The following LNP1 variants were observed in gnomAD, a reference collection of about 807,000 sequenced individuals.
LNP1 encodes the protein leukemia NUP98 fusion partner 1.
A neutral mutation model predicts 14.5 loss-of-function variants in LNP1; 12 were observed. The ratio of observed to expected loss-of-function variants is 0.83; its 90% CI spans 0.53 to 1.34. The LOEUF (loss-of-function observed/expected upper bound fraction) is 1.34, where lower values mean the gene tolerates loss of function less well. Among genes scored for constraint, LNP1 ranks in the 40% most tolerant of loss-of-function variants. LNP1 has a pLI of 0.00. For synonymous variants in LNP1, 75 were observed against 71.4 expected (o/e 1.05, Z -0.26); for missense variants, 198 against 210.9 (o/e 0.94, Z 0.38).
chr3:100,446,671 G>A (rs1707391409), intron 2 of LNP1, among the ~76,000 whole-genome samples: 1 of 152,158 alleles, frequency 6.6e-6, no homozygotes, highest in African/African-American at 2.4e-5. Context: ...GCAACCTACA[G>A]AATGGGAGAA....
chr3:100,410,003 C>G (rs546777057), intron 1 of LNP1, among the ~76,000 whole-genome samples: 5 of 151,818 alleles, frequency 3.3e-5, no homozygotes, highest in Non-Finnish European at 7.4e-5. Flanking sequence ...ATCTATCTAC[C>G]TATTTTATCT....
intron 1 of LNP1, 105 bp downstream of exon 1, chr3:100,402,544 A>G (rs977602847): frequency 1.3e-5 from 2 of 152,208 alleles, no homozygotes; most frequent in African/African-American, 4.8e-5. Context: ...CGTTGCAGGC[A>G]ATAGGCTTTT....
chr3:100,429,924 TA>T (rs757376177), intron 2 of LNP1, 39 bp downstream of exon 2: 5 of 1,592,292 alleles, frequency 3.1e-6, no homozygotes, highest in East Asian at 2.2e-5. Flanking sequence ...AGAGCTGGAA[TA>T]GGGGAGGGGG....
chr3:100,448,459 T>A (rs1004936241), intron 2 of LNP1, among the ~76,000 whole-genome samples: 33 of 152,196 alleles, frequency 2.2e-4, no homozygotes, highest in Admixed American at 1.5e-3. Context: ...TGAGTAAAGA[T>A]CATTCTGTTT....
chr3:100,438,686 G>A (rs1198140015), intron 2 of LNP1, among the ~76,000 whole-genome samples: 1 of 152,170 alleles, frequency 6.6e-6, no homozygotes, highest in Non-Finnish European at 1.5e-5. Flanking sequence ...GTTGTTCTAG[G>A]TCCACAGGGG....
intron 2 of LNP1, 133 bp downstream of exon 2, chr3:100,430,018 AC>A: frequency 1.2e-6 from 1 of 839,646 alleles, no homozygotes; most frequent in Non-Finnish European, 1.8e-6. Context: ...TCTTTCTCAT[AC>A]CCACAGAAAT....
intron 1 of LNP1, among the ~76,000 whole-genome samples, chr3:100,409,240 A>T (rs1292521942): frequency 6.6e-6 from 1 of 152,182 alleles, no homozygotes; most frequent in Non-Finnish European, 1.5e-5. Flanking sequence ...GAACTGAAAT[A>T]TCAGCTCTTC....
intron 1 of LNP1, 144 bp from the exon 2 acceptor site, chr3:100,429,553 G>A (rs780879461): frequency 1.5e-5 from 9 of 608,900 alleles, no homozygotes; most frequent in Non-Finnish European, 2.3e-5. Flanking sequence ...TGATGATGAA[G>A]TGGTTGTTTA....
intron 1 of LNP1, among the ~76,000 whole-genome samples, chr3:100,416,599 TTG>T (rs769199967): frequency 0.025 from 2,352 of 94,600 alleles, 54 homozygotes; most frequent in African/African-American, 0.04. Context: ...TATATCTTTT[TTG>T]TGTGTGTGTG....
chr3:100,442,428 T>C (rs1186069262), intron 2 of LNP1, among the ~76,000 whole-genome samples: 1 of 152,060 alleles, frequency 6.6e-6, no homozygotes, highest in Non-Finnish European at 1.5e-5. Context: ...GACAGTTTGG[T>C]TTTATACATT....
chr3:100,417,351 T>C (rs1707094291), intron 1 of LNP1, among the ~76,000 whole-genome samples: 2 of 149,038 alleles, frequency 1.3e-5, no homozygotes, highest in South Asian at 4.2e-4. Flanking sequence ...TTTTTCTTTT[T>C]CTTTCTTTCT....
intron 1 of LNP1, among the ~76,000 whole-genome samples, chr3:100,407,997 T>C (rs1706987578): frequency 6.6e-6 from 1 of 152,234 alleles, no homozygotes; most frequent in East Asian, 1.9e-4. Context: ...CTAATTTTGT[T>C]GACTTGTTTC....
chr3:100,433,851 G>A (rs1190878226), intron 2 of LNP1, among the ~76,000 whole-genome samples: 4 of 152,068 alleles, frequency 2.6e-5, no homozygotes, highest in South Asian at 2.1e-4. Context: ...TTTTTTGGCC[G>A]CATAAATGTC....
chr3:100,406,179 A>G (rs575533448), intron 1 of LNP1, among the ~76,000 whole-genome samples: 14 of 152,136 alleles, frequency 9.2e-5, no homozygotes, highest in Non-Finnish European at 1.3e-4. Flanking sequence ...CCAGCTACTC[A>G]GGAGGCTGAG....
At position 100,418,059 on chromosome 3, in the gene LNP1, A is replaced by ACTTTTTTTTTTTTTT. The variant is rs565769310; in HGVS notation, c.-33-11638_-33-11637insCTTTTTTTTTTTTTT. Among the ~76,000 whole-genome samples, 4 of 115,622 alleles carry ACTTTTTTTTTTTTTT rather than the reference A, an allele frequency of 3.5e-5. 2 individuals are homozygous for ACTTTTTTTTTTTTTT. The highest frequency in any genetic ancestry group is 7.4e-5 in the Non-Finnish European group (4 of 54,340). 75.9% of individuals were successfully genotyped at this position (115,622 alleles called of 152,430 possible). ...GTTTTGTTCTTTCATTTCTCATACCATTTTTTTTTTTTTTTTTTGAGATGG... is the reference window on the plus strand; with the variant it reads ...GTTTTGTTCTTTCATTTCTCATACCACTTTTTTTTTTTTTTTTTTTTTTTTTTTTTTTTGAGATGG... On this transcript the variant is annotated intron_variant, in intron 1 of 3. Coordinates refer to ENST00000383693, the MANE Select transcript of LNP1 (RefSeq NM_001085451.2).
At chr3:100,447,632 A>C (rs1345751689) in intron 2 of LNP1, among the ~76,000 whole-genome samples, 11 of 152,052 alleles carry the variant, frequency 7.2e-5, no homozygotes, top group Non-Finnish European at 1.3e-4. Flanking sequence ...AAATCCCTTT[A>C]TTATGACTTA....
rs375539555 is a variant in LNP1, at chr3:100,409,266, A to G, written c.-34+6827A>G. On this transcript the variant is annotated intron_variant, in intron 1 of 3. Coordinates refer to ENST00000383693, the MANE Select transcript of LNP1 (RefSeq NM_001085451.2). ...TCAGCTCTTCTTAGGTGTAGAGCCT[A>G]GTGACTTTCAGACTGAAAAGATACT... Among the ~76,000 whole-genome samples the G allele has an allele frequency of 1.4e-4, 21 of 152,152 alleles. No homozygotes were observed. In the East Asian group the frequency reaches 2.9e-3, roughly 21 times the overall value.
intron 1 of LNP1, among the ~76,000 whole-genome samples, chr3:100,413,083 A>G (rs913258664): frequency 2.6e-5 from 4 of 152,330 alleles, no homozygotes; most frequent in South Asian, 2.1e-4. Flanking sequence ...TGCCGCCACC[A>G]GAAATAGTCT....
At chr3:100,415,946 A>G (rs560420630) in intron 1 of LNP1, among the ~76,000 whole-genome samples, 73 of 152,302 alleles carry the variant, frequency 4.8e-4, no homozygotes, top group African/African-American at 1.6e-3. Context: ...TTGTCACCCA[A>G]ATGTGCAACC....
Sources: allele counts gnomAD v4.1 joint callset (sites outside exome capture counted in the v4.1 genomes callset), GRCh38; gene constraint gnomAD v4.1.1; transcripts MANE v1.5; gene names NCBI Gene and HGNC (gene_info 2026-07-23, HGNC 2026-07-21).